BATF3: variants seen among roughly 807,000 people sequenced by gnomAD.
The protein encoded by BATF3 is basic leucine zipper ATF-like transcription factor 3, also known as basic leucine zipper transcriptional factor ATF-like 3.
In BATF3, 8 loss-of-function variants were observed where a neutral mutation model predicts 16.1. The ratio of observed to expected loss-of-function variants is 0.50; its 90% CI spans 0.29 to 0.90. The LOEUF is 0.90. BATF3 is among the 40% of genes least tolerant of loss of function. The probability of loss-of-function intolerance (pLI) is 0.08; values close to 1 mark genes in which losing one functional copy is unlikely to be tolerated. For missense variants in BATF3, 139 were observed against 167.0 expected (o/e 0.83, Z 0.92); for synonymous variants, 74 against 72.7 (o/e 1.02, Z -0.09).
chr1:212,690,886 C>A (rs1656984191), intron 2 of BATF3, among the ~76,000 whole-genome samples: 1 of 152,192 alleles, frequency 6.6e-6, no homozygotes, highest in Non-Finnish European at 1.5e-5. Flanking sequence ...CAGTGGATCT[C>A]AAGTAGGGCA....
chr1:212,690,370 G>A (rs551119958), intron 2 of BATF3, among the ~76,000 whole-genome samples: 5 of 152,302 alleles, frequency 3.3e-5, no homozygotes, highest in African/African-American at 9.6e-5. Flanking sequence ...CTTCAGAGCC[G>A]CCCGACAGGT....
chr1:212,686,812 C>T lies in BATF3; in HGVS notation c.363G>A (p.Val121=), dbSNP rs1234479891. Residue 121 remains valine, a synonymous_variant, in exon 3 of 3, where the codon GTG becomes GTA. Coordinates refer to ENST00000243440, the MANE Select transcript of BATF3 (RefSeq NM_018664.3). ...FVPVPPRPDP[V]AGCLPR ...GGCTTCATCGGGGCAAGCAGCCGGC[C>T]ACAGGGTCCGGCCGGGGAGGCACTG... 2 of 1,612,762 alleles carry T rather than the reference C, an allele frequency of 1.2e-6. No individual in the cohort carries two copies. Among genetic ancestry groups the T allele is most frequent in the African/African-American group, 1.3e-5 (1 of 75,044 alleles).
intron 1 of BATF3, among the ~76,000 whole-genome samples, chr1:212,698,913 T>G (rs917092263): frequency 6.6e-6 from 1 of 152,210 alleles, no homozygotes; most frequent in Non-Finnish European, 1.5e-5. Context: ...TCAAGGCTGC[T>G]CAGCCTGTGT....
At chr1:212,690,343 C>T (rs1656973632) in intron 2 of BATF3, among the ~76,000 whole-genome samples, 1 of 152,232 alleles carries the variant, frequency 6.6e-6, no homozygotes, top group Non-Finnish European at 1.5e-5. Flanking sequence ...TGCCCTCCCC[C>T]AACCCATGCT....
intron 2 of BATF3, among the ~76,000 whole-genome samples, chr1:212,688,001 A>AAAGAAAGAG (rs1656894085): frequency 1.0e-5 from 1 of 99,594 alleles, no homozygotes; most frequent in Non-Finnish European, 2.2e-5. Context: ...GAAAGAAAGG[A>AAAGAAAGAG]AGGAAGGAAG....
intron 2 of BATF3, among the ~76,000 whole-genome samples, chr1:212,693,713 C>T (rs758027731): frequency 2.0e-5 from 3 of 152,184 alleles, no homozygotes; most frequent in Non-Finnish European, 2.9e-5. Context: ...AAAGGTGGCA[C>T]CACTCTGAAG....
chr1:212,696,108 G>A (rs1199298943), intron 2 of BATF3, among the ~76,000 whole-genome samples: 10 of 149,998 alleles, frequency 6.7e-5, no homozygotes, highest in Non-Finnish European at 1.3e-4. Context: ...GATGCTGGGA[G>A]AACAGATTAA....
intron 1 of BATF3, chr1:212,697,358 G>A (rs1448992974): frequency 8.2e-6 from 2 of 244,034 alleles, no homozygotes; most frequent in Non-Finnish European, 1.6e-5. Context: ...AGTGGGAAGT[G>A]GAACTCAGGT....
chr1:212,692,466 A>C (rs1335205409), intron 2 of BATF3, among the ~76,000 whole-genome samples: 13 of 152,246 alleles, frequency 8.5e-5, no homozygotes, highest in Non-Finnish European at 1.5e-5. Context: ...AGAAAAGTGG[A>C]AACTCTTGTT....
chr1:212,690,293 C>T (rs1222381937), intron 2 of BATF3, among the ~76,000 whole-genome samples: 1 of 152,204 alleles, frequency 6.6e-6, no homozygotes, highest in Non-Finnish European at 1.5e-5. Flanking sequence ...CTCTGGAAGC[C>T]GTGCGCAGCC....
At chr1:212,696,917 A>T (rs1657146616) in intron 2 of BATF3, 44 bp downstream of exon 2, 25 of 1,448,884 alleles carry the variant, frequency 1.7e-5, no homozygotes, top group Non-Finnish European at 2.4e-5. Flanking sequence ...TGCAAGGCAG[A>T]GGCTGTGTGG....
In BATF3 at chr1:212,686,503, G is replaced by A. The variant is rs556627859; in HGVS notation, c.*288C>T. ...AAGCATCTTTATTATCCAAATTCTA[G>A]AGGAAATGGCTCTGCATAACAGCAG... On this transcript the variant is annotated 3_prime_UTR_variant, in exon 3 of 3. Transcript: ENST00000243440. The A allele has an allele frequency of 1.4e-4, 57 of 405,044 alleles. No homozygotes were observed. The highest frequency in any genetic ancestry group is 2.1e-4 in the Non-Finnish European group (47 of 224,336). 25.1% of individuals were successfully genotyped at this position (405,044 alleles called of 1,614,324 possible).
In BATF3 at chr1:212,686,629, G is replaced by T; in HGVS notation, c.*162C>A. 1 of 1,235,830 alleles carries T rather than the reference G, an allele frequency of 8.1e-7. No homozygotes were observed. The highest frequency in any genetic ancestry group is 1.1e-6 in the Non-Finnish European group (1 of 921,774). The allele number at this position is 1,235,830 out of a possible 1,614,324, so 76.6% of individuals were successfully genotyped here. A position where few individuals can be genotyped will look rare whatever the true frequency, so the allele number is the denominator to read the frequency against. On this transcript the variant is annotated 3_prime_UTR_variant, in exon 3 of 3. Coordinates refer to ENST00000243440, the MANE Select transcript of BATF3 (RefSeq NM_018664.3). ...GTGAGTTTGGCGCCTGTTGGATGTCGGGCTGAGCCCAGTCTGCAGGGAACA... is the reference window on the plus strand; with the variant it reads ...GTGAGTTTGGCGCCTGTTGGATGTCTGGCTGAGCCCAGTCTGCAGGGAACA...
rs1281572865 is a variant in BATF3, at chr1:212,699,744, C to G, written c.19G>C (p.Ala7Pro). 5 of 1,296,492 alleles carry G rather than the reference C, an allele frequency of 3.9e-6. No homozygotes were observed. Among genetic ancestry groups the G allele is most frequent in the African/African-American group, 3.1e-5 (2 of 64,952 alleles). 80.3% of individuals were successfully genotyped at this position (1,296,492 alleles called of 1,614,324 possible). The change falls in exon 1 of 3, where the codon GCC (alanine) becomes CCC (proline). Residue 7 changes from alanine to proline, a missense_variant. By Grantham distance (27) the Ala-to-Pro change is conservative. Transcript: ENST00000243440. This position sits in a 1 kb window ranked among gnomAD's most constrained non-coding sequence, Gnocchi z 4.4. MSQGLP[A>P]AGSVLQRSVA... The stretch of plus-strand genomic sequence containing the variant: ...CTCCTCTGCAGGACGCTGCCGGCGG[C>G]CGGGAGCCCTTGCGACATGCCGGGC...
intron 2 of BATF3, among the ~76,000 whole-genome samples, chr1:212,693,568 G>A (rs750739930): frequency 2.0e-5 from 3 of 152,118 alleles, no homozygotes; most frequent in Admixed American, 1.3e-4. Flanking sequence ...CTGGGCTTCA[G>A]ATCAACCCAC....
chr1:212,698,173 A>G (rs1020255831), intron 1 of BATF3: 1 of 152,274 alleles, frequency 6.6e-6, no homozygotes, highest in African/African-American at 2.4e-5. Context: ...GTATGATAAT[A>G]CAGTCTTCTA....
intron 2 of BATF3, among the ~76,000 whole-genome samples, chr1:212,693,966 C>T (rs568920867): frequency 6.6e-6 from 1 of 152,150 alleles, no homozygotes; most frequent in Non-Finnish European, 1.5e-5. Context: ...GATTAAGAAG[C>T]GTGAGATGGG....
At chr1:212,688,071 A>G (rs1656900711) in intron 2 of BATF3, among the ~76,000 whole-genome samples, 1 of 152,040 alleles carries the variant, frequency 6.6e-6, no homozygotes, top group African/African-American at 2.4e-5. Flanking sequence ...AAAAGAAAAA[A>G]AAAAAGAAAA....
rs1044027341 is a variant in BATF3 at position 212,699,784 on chromosome 1, GCCCGC to G, written c.-27_-23del. On this transcript the variant is annotated 5_prime_UTR_variant, in exon 1 of 3. Transcript: ENST00000243440. This position sits in a 1 kb window ranked among gnomAD's most constrained non-coding sequence, Gnocchi z 4.4. The stretch of plus-strand genomic sequence containing the variant: ...ACATGCCGGGCGCTCCTCTGGCCCG[GCCCGC>G]CCCGCCCCGCCCGCGCGCCCTGCCC... 5.9e-6 allele frequency: 7 copies of G among 1,179,940 alleles called. No individual in the cohort carries two copies. The highest frequency in any genetic ancestry group is 3.3e-5 in the African/African-American group (2 of 60,602). The allele number at this position is 1,179,940 out of a possible 1,614,324, so 73.1% of individuals were successfully genotyped here.
Sources: gnomAD v4.1 joint callset for allele counts (sites outside exome capture counted in the v4.1 genomes callset) on GRCh38, gnomAD v4.1.1 for gene constraint, Gnocchi (gnomAD v3.1) non-coding constraint, MANE v1.5 for transcripts, NCBI Gene and HGNC (gene_info 2026-07-23, HGNC 2026-07-21) for gene names.